ADGRD1: variants seen among roughly 807,000 people sequenced by gnomAD.
ADGRD1 encodes adhesion G protein-coupled receptor D1.
ADGRD1 carries 77 observed loss-of-function variants against 113.4 expected under a neutral mutation model. The observed-to-expected ratio is 0.68, with a 90% confidence interval of 0.57 to 0.82. The LOEUF (loss-of-function observed/expected upper bound fraction) is 0.82. Among genes scored for constraint, ADGRD1 ranks in the 40% least tolerant of loss-of-function variants. The pLI is 0.00. For synonymous variants in ADGRD1, 474 were observed against 475.0 expected, an observed-to-expected ratio of 1.00 and a Z score of 0.03; for missense variants, 1,036 against 1,139.1, an observed-to-expected ratio of 0.91 and a Z score of 1.30.
rs1381446768 is a variant in ADGRD1 at position 131,042,711 on chromosome 12, G to C, written c.1473+28371G>C. On this transcript the variant is annotated intron_variant, in intron 13 of 24. Transcript: ENST00000261654. ...TGTCGCAGCCCAGGTGAGCCAGGAG[G>C]GGGACGCCGACCTCCAACCCCGGCA... is the stretch of plus-strand genomic sequence containing the variant. Among the ~76,000 whole-genome samples, 2 of 152,222 alleles carry C rather than the reference G, an allele frequency of 1.3e-5. 1 individual carries two copies.
chr12:130,974,902 G>A (rs1406292817), intron 4 of ADGRD1, among the ~76,000 whole-genome samples: 2 of 152,068 alleles, frequency 1.3e-5, no homozygotes, highest in African/African-American at 4.8e-5. Flanking sequence ...AGGAGCTACT[G>A]TGGGTCCTGT....
rs753244977 is a variant in ADGRD1, at chr12:130,971,473, A to G, written c.203A>G (p.Lys68Arg). The change falls in exon 4 of 25, where the codon AAG (lysine) becomes AGG (arginine). Residue 68 changes from lysine (K) to arginine (R), a missense_variant. Coordinates refer to ENST00000261654, the MANE Select transcript of ADGRD1 (RefSeq NM_198827.5). This position sits in a 1 kb window ranked among gnomAD's most constrained non-coding sequence, Gnocchi z 4.2. ...TCTTCCTTAGATATTGTGGAAGGGAAGGTCAACAAAGGCATTTACCTGAAA... is the reference window on the plus strand; with the variant it reads ...TCTTCCTTAGATATTGTGGAAGGGAGGGTCAACAAAGGCATTTACCTGAAA... ...QDTTGDIVEG[K>R]VNKGIYLKEE... The G allele has an allele frequency of 1.2e-6, 2 of 1,613,288 alleles. No individual in the cohort carries two copies. Among genetic ancestry groups the G allele is most frequent in the Non-Finnish European group, 8.5e-7 (1 of 1,179,482 alleles).
At chr12:131,079,839 T>A (rs1165002856) in intron 14 of ADGRD1, among the ~76,000 whole-genome samples, 1 of 152,206 alleles carries the variant, frequency 6.6e-6, no homozygotes, top group Non-Finnish European at 1.5e-5. Context: ...TTCACTTTTT[T>A]ATCTATAATC....
chr12:131,130,273 G>A (rs56391342), intron 20 of ADGRD1, among the ~76,000 whole-genome samples: 21,517 of 152,208 alleles, frequency 0.14, 2,047 homozygotes, highest in African/African-American at 0.28. Context: ...GGAAAATAAG[G>A]GCAACTAAGG....
intron 14 of ADGRD1, among the ~76,000 whole-genome samples, chr12:131,082,241 A>G (rs1340076926): frequency 1.3e-5 from 2 of 152,194 alleles, no homozygotes; most frequent in African/African-American, 4.8e-5. Context: ...TTATGTATGC[A>G]TGACTGAACA....
intron 9 of ADGRD1, chr12:131,002,689 T>C: frequency 1.7e-6 from 2 of 1,190,426 alleles, no homozygotes; most frequent in Non-Finnish European, 2.1e-6. Context: ...GAAGGCAAGC[T>C]CCTGGGAAGT....
At chr12:130,955,708 G>T (rs1279777071) in intron 2 of ADGRD1, among the ~76,000 whole-genome samples, 2 of 152,180 alleles carry the variant, frequency 1.3e-5, no homozygotes, top group Non-Finnish European at 2.9e-5. Flanking sequence ...CCAGAGCTTG[G>T]CTGGGCACCC....
chr12:131,007,630 T>G (rs1877302128), intron 12 of ADGRD1, among the ~76,000 whole-genome samples: 1 of 152,122 alleles, frequency 6.6e-6, no homozygotes, highest in South Asian at 2.1e-4. Context: ...CCCAGAACAA[T>G]GCAGCTAACT....
chr12:130,969,029 G>C, intron 3 of ADGRD1: 1 of 1,534,822 alleles, frequency 6.5e-7, no homozygotes, highest in Non-Finnish European at 8.7e-7. Context: ...CTACTTTTGT[G>C]TATTCCAATG....
At chr12:131,124,626 A>T (rs1298793209) in intron 20 of ADGRD1, among the ~76,000 whole-genome samples, 2 of 151,990 alleles carry the variant, frequency 1.3e-5, no homozygotes, top group African/African-American at 2.4e-5. Flanking sequence ...ACTTCCAGTA[A>T]CACCCCCCAC....
intron 15 of ADGRD1, among the ~76,000 whole-genome samples, chr12:131,090,464 CT>C (rs202099011): frequency 6.9e-4 from 105 of 152,258 alleles, no homozygotes; most frequent in African/African-American, 2.4e-3. Flanking sequence ...AGGTTTTCCC[CT>C]GGCTTTTCTC....
At chr12:130,977,797 T>G (rs189180812) in intron 4 of ADGRD1, 95 of 152,586 alleles carry the variant, frequency 6.2e-4, no homozygotes, top group African/African-American at 2.1e-3. Flanking sequence ...CCCGCATGCC[T>G]GTATAACCTC....
intron 19 of ADGRD1, among the ~76,000 whole-genome samples, chr12:131,119,557 A>G (rs1593247023): frequency 6.6e-6 from 1 of 152,196 alleles, no homozygotes; most frequent in Non-Finnish European, 1.5e-5. Context: ...TCCCACACTC[A>G]TGCCCGAAAG....
chr12:131,135,107 A>C (rs960175757), intron 21 of ADGRD1, among the ~76,000 whole-genome samples: 1 of 152,204 alleles, frequency 6.6e-6, no homozygotes, highest in Non-Finnish European at 1.5e-5. Flanking sequence ...GGCTTGAGGT[A>C]GTTGGCCATG....
chr12:131,084,750 T>G lies in ADGRD1; in HGVS notation c.1671+87T>G. ...GGCGGGAGGATGCTTTGCCCGCCAG[T>G]GCCCACGGGCCCTGGGCACATTACT... On this transcript the variant is annotated intron_variant, in intron 15 of 24. Transcript: ENST00000261654. The surrounding 1 kb of genome is among the most constrained non-coding windows in gnomAD (Gnocchi z 4.5). 2.1e-6 allele frequency: 3 copies of G among 1,421,440 alleles called. No homozygotes were observed. The highest frequency in any genetic ancestry group is 2.9e-6 in the Non-Finnish European group (3 of 1,028,114). 88.1% of individuals were successfully genotyped at this position (1,421,440 alleles called of 1,614,324 possible). A position where few individuals can be genotyped will look rare whatever the true frequency, so the allele number is the denominator to read the frequency against.
At chr12:131,110,411 T>G (rs1051368578) in intron 18 of ADGRD1, among the ~76,000 whole-genome samples, 2 of 152,136 alleles carry the variant, frequency 1.3e-5, no homozygotes, top group African/African-American at 4.8e-5. Flanking sequence ...TATATACATC[T>G]TAGCATATTA....
At chr12:131,048,613 ACGTGCAGATCAG>A (rs1883078895) in intron 13 of ADGRD1, among the ~76,000 whole-genome samples, 1 of 152,224 alleles carries the variant, frequency 6.6e-6, no homozygotes, top group Admixed American at 6.5e-5. Context: ...CTCCCAGCTG[ACGTGCAGATCAG>A]TAATTTCTTC....
At chr12:131,134,612 C>T (rs887442409) in intron 21 of ADGRD1, among the ~76,000 whole-genome samples, 2 of 152,222 alleles carry the variant, frequency 1.3e-5, no homozygotes, top group Non-Finnish European at 2.9e-5. Flanking sequence ...AAGCTGGCTG[C>T]GGCTTCTCTG....
At chr12:131,101,204 G>T (rs568597067) in intron 15 of ADGRD1, among the ~76,000 whole-genome samples, 4 of 152,120 alleles carry the variant, frequency 2.6e-5, no homozygotes, top group African/African-American at 9.6e-5. Flanking sequence ...GGGGTGGGGA[G>T]GAGCCAGGGC....
Sources: gnomAD v4.1 joint callset for allele counts (sites outside exome capture counted in the v4.1 genomes callset) on GRCh38, gnomAD v4.1.1 for gene constraint, Gnocchi (gnomAD v3.1) non-coding constraint, MANE v1.5 for transcripts, NCBI Gene and HGNC (gene_info 2026-07-23, HGNC 2026-07-21) for gene names.